The following SLC38A12 variants were observed in gnomAD, a reference collection of about 807,000 sequenced individuals.
SLC38A12 encodes the protein solute carrier family 38 member 12.
the SLC38A12 span, among the ~76,000 whole-genome samples, chr17:74,822,359 C>T: frequency 6.6e-6 from 1 of 152,372 alleles, no homozygotes; most frequent in African/African-American, 2.4e-5. Flanking sequence ...CCCTTCCCAC[C>T]CCCAGGTCTC....
the SLC38A12 span, among the ~76,000 whole-genome samples, chr17:74,792,350 C>T: frequency 6.6e-6 from 1 of 152,080 alleles, no homozygotes; most frequent in Admixed American, 6.5e-5. Context: ...ACTCCAGAGG[C>T]TGAAGCACAA....
the SLC38A12 span, among the ~76,000 whole-genome samples, chr17:74,797,265 ATCTCAATAAC>A: frequency 1.3e-5 from 2 of 152,200 alleles, no homozygotes; most frequent in African/African-American, 4.8e-5. Context: ...CCCTCCCTGG[ATCTCAATAAC>A]TCTCTGACCG....
the SLC38A12 span, among the ~76,000 whole-genome samples, chr17:74,831,598 C>T: frequency 1.3e-5 from 2 of 152,140 alleles, no homozygotes; most frequent in East Asian, 3.9e-4. Context: ...CTGCTGCTCT[C>T]CACCACTCAG....
chr17:74,815,086 C>G, the SLC38A12 span, among the ~76,000 whole-genome samples: 11 of 152,128 alleles, frequency 7.2e-5, no homozygotes, highest in African/African-American at 2.4e-4. Context: ...GAGAGGGGGA[C>G]CTTCTCCCTC....
the SLC38A12 span, among the ~76,000 whole-genome samples, chr17:74,811,583 T>A: frequency 6.6e-6 from 1 of 151,794 alleles, no homozygotes; most frequent in Non-Finnish European, 1.5e-5. Context: ...TAGCAAAGCG[T>A]GGTGGCATAT....
chr17:74,800,469 C>T, the SLC38A12 span, among the ~76,000 whole-genome samples: 1 of 152,282 alleles, frequency 6.6e-6, no homozygotes, highest in Non-Finnish European at 1.5e-5. Flanking sequence ...CTCTGTTCTT[C>T]TAGCGTCAGC....
chr17:74,790,805 C>A, the SLC38A12 span: 1 of 582,704 alleles, frequency 1.7e-6, no homozygotes, highest in Non-Finnish European at 3.0e-6. Flanking sequence ...CTGTGTTAAA[C>A]CATGTCAAGC....
chr17:74,782,663 C>CTG, the SLC38A12 span, among the ~76,000 whole-genome samples: 1 of 152,210 alleles, frequency 6.6e-6, no homozygotes, highest in Non-Finnish European at 1.5e-5. Context: ...CAGCAATGGG[C>CTG]TGTGTGTCCC....
the SLC38A12 span, among the ~76,000 whole-genome samples, chr17:74,822,679 T>TAA: frequency 6.6e-6 from 1 of 152,234 alleles, no homozygotes; most frequent in Non-Finnish European, 1.5e-5. Context: ...AAGCAAACCT[T>TAA]TCTGTGGCAC....
At chr17:74,838,860 G>A in the SLC38A12 span, 1 of 1,531,176 alleles carries the variant, frequency 6.5e-7, no homozygotes, top group African/African-American at 1.4e-5. Flanking sequence ...AAGTAGGCAA[G>A]CTCAGCTTGT....
At chr17:74,806,553 C>T in the SLC38A12 span, among the ~76,000 whole-genome samples, 4 of 152,120 alleles carry the variant, frequency 2.6e-5, no homozygotes, top group African/African-American at 7.2e-5. Context: ...CGAGGAGAGC[C>T]GGGAAAAGAG....
chr17:74,838,956 G>A, the SLC38A12 span: 1 of 1,535,776 alleles, frequency 6.5e-7, no homozygotes, highest in South Asian at 1.2e-5. Flanking sequence ...AGGAGCAGGT[G>A]TCGTTGTGGA....
At chr17:74,817,988 G>A in the SLC38A12 span, among the ~76,000 whole-genome samples, 1 of 152,276 alleles carries the variant, frequency 6.6e-6, no homozygotes, top group South Asian at 2.1e-4. Flanking sequence ...TTTGTGGCAG[G>A]TGGCTCTGTG....
the SLC38A12 span, among the ~76,000 whole-genome samples, chr17:74,784,728 G>A: frequency 6.6e-6 from 1 of 152,110 alleles, no homozygotes; most frequent in Non-Finnish European, 1.5e-5. Context: ...TGTAAACTGT[G>A]GGTTGTTTAA....
At chr17:74,835,012 T>C in the SLC38A12 span, among the ~76,000 whole-genome samples, 1 of 152,214 alleles carries the variant, frequency 6.6e-6, no homozygotes, top group Non-Finnish European at 1.5e-5. Flanking sequence ...GAACTCAGCC[T>C]GGAGGGCGTG....
the SLC38A12 span, chr17:74,788,723 G>C: frequency 6.9e-7 from 1 of 1,455,570 alleles, no homozygotes; most frequent in Non-Finnish European, 9.5e-7. Context: ...TTACAATGGT[G>C]TTTTCCTTCT....
the SLC38A12 span, among the ~76,000 whole-genome samples, chr17:74,778,099 G>A: frequency 2.0e-5 from 3 of 152,212 alleles, no homozygotes; most frequent in Non-Finnish European, 4.4e-5. Flanking sequence ...GTAAGAAGCA[G>A]CGAAAGCATA....
the SLC38A12 span, among the ~76,000 whole-genome samples, chr17:74,793,511 G>A: frequency 6.6e-6 from 1 of 152,120 alleles, no homozygotes; most frequent in Non-Finnish European, 1.5e-5. Flanking sequence ...CAGAAATGCG[G>A]GCCTAGCCAT....
At chr17:74,776,670 C>T in the SLC38A12 span, 1 of 152,648 alleles carries the variant, frequency 6.6e-6, no homozygotes, top group Non-Finnish European at 1.5e-5. Flanking sequence ...ACTCGGGACT[C>T]CTCCAGGAGG....
Sources: gnomAD v4.1 joint callset for allele counts (sites outside exome capture counted in the v4.1 genomes callset) on GRCh38, gnomAD v4.1.1 for gene constraint, MANE v1.5 for transcripts, NCBI Gene and HGNC (gene_info 2026-07-23, HGNC 2026-07-21) for gene names.